SYNE1: variants seen among roughly 807,000 people sequenced by gnomAD.
SYNE1 encodes nesprin-1.
Under a neutral mutation model 1,111.0 loss-of-function variants are expected in SYNE1, and 616 were observed. That is an observed-to-expected ratio of 0.55 (90% CI 0.52 to 0.59). The LOEUF (loss-of-function observed/expected upper bound fraction) is 0.59. Ranked by LOEUF, SYNE1 falls within the 20% of genes least tolerant of loss-of-function variation. The pLI is 0.00. For missense variants in SYNE1, 10,006 were observed against 10,417.0 expected, an observed-to-expected ratio of 0.96 and a Z score of 1.72; for synonymous variants, 3,855 against 3,825.8, an observed-to-expected ratio of 1.01 and a Z score of -0.28.
intron 5 of SYNE1, among the ~76,000 whole-genome samples, chr6:152,523,715 T>C (rs1209081295): frequency 6.6e-6 from 1 of 152,206 alleles, no homozygotes; most frequent in Non-Finnish European, 1.5e-5. Context: ...GTTTGTGTCA[T>C]CTATTATTTC....
intron 3 of SYNE1, among the ~76,000 whole-genome samples, chr6:152,577,841 A>G (rs1036352200): frequency 6.6e-6 from 1 of 151,984 alleles, no homozygotes; most frequent in African/African-American, 2.4e-5. Context: ...CTTATTTACT[A>G]TACTATACCT....
At chr6:152,524,380 A>G (rs1188183720) in intron 5 of SYNE1, among the ~76,000 whole-genome samples, 1 of 152,146 alleles carries the variant, frequency 6.6e-6, no homozygotes, top group Non-Finnish European at 1.5e-5. Context: ...ATAAACACTT[A>G]GAATGACACA....
chr6:152,403,634 A>G (rs1050063557), intron 46 of SYNE1, among the ~76,000 whole-genome samples: 5 of 152,058 alleles, frequency 3.3e-5, no homozygotes, highest in African/African-American at 1.2e-4. Flanking sequence ...AGGTGGGAGA[A>G]TTGCTTGAGC....
In SYNE1 at chr6:152,413,453, C is replaced by A; in HGVS notation, c.6129G>T (p.Lys2043Asn). ...AAGCTACATCTTTCTGGGCAATTTG[C>A]TTGGCTTTGTCTTTCAACCAACATA... ...HELCWLKDKA[K>N]QIAQKDVAFA... Residue 2043 changes from lysine (K) to asparagine (N), a missense_variant, in exon 42 of 146, where the codon AAG becomes AAT. Physicochemically the swap from Lys to Asn is moderately conservative, Grantham distance 94 (BLOSUM62 0). This residue lies in a region of SYNE1 where 4,955 missense variants were observed against 5,017.2 expected (regional missense o/e 0.99). Transcript: ENST00000367255. 1 of 1,614,142 alleles carries A rather than the reference C, an allele frequency of 6.2e-7. No individual in the cohort carries two copies. The highest frequency in any genetic ancestry group is 8.5e-7 in the Non-Finnish European group (1 of 1,180,022).
intron 121 of SYNE1, among the ~76,000 whole-genome samples, chr6:152,217,546 G>A (rs2079045408): frequency 6.6e-6 from 1 of 151,986 alleles, no homozygotes; most frequent in Admixed American, 6.6e-5. Flanking sequence ...GAACAAAAAA[G>A]GTCATTCTGA....
chr6:152,601,599 G>A (rs1448783740), intron 3 of SYNE1, among the ~76,000 whole-genome samples: 1 of 152,162 alleles, frequency 6.6e-6, no homozygotes, highest in Non-Finnish European at 1.5e-5. Flanking sequence ...ACAGGTATGG[G>A]TAAAAATGAA....
chr6:152,141,364 A>G, intron 138 of SYNE1, 35 bp from the exon 139 acceptor site: 1 of 1,612,600 alleles, frequency 6.2e-7, no homozygotes, highest in Non-Finnish European at 8.5e-7. Flanking sequence ...CCTGTCACCC[A>G]AATCTTCATG....
At chr6:152,366,036 T>C (rs1174848850) in intron 62 of SYNE1, among the ~76,000 whole-genome samples, 1 of 152,196 alleles carries the variant, frequency 6.6e-6, no homozygotes, top group Non-Finnish European at 1.5e-5. Context: ...CCTATCATTC[T>C]TAAAAACTTG....
chr6:152,211,554 A>G lies in SYNE1; in HGVS notation c.22529T>C (p.Ile7510Thr). Residue 7510 changes from isoleucine (I) to threonine (T), a missense_variant, in exon 124 of 146, where the codon ATT becomes ACT. By Grantham distance (89) the Ile-to-Thr change is moderately conservative. This residue lies in a region of SYNE1 where 2,182 missense variants were observed against 2,287.8 expected (regional missense o/e 0.95). Coordinates refer to ENST00000367255, the MANE Select transcript of SYNE1 (RefSeq NM_182961.4). Reference sequence around the variant, plus strand: ...CCCATCAATAATGATTGAGTGCAAAATCTGCTGACGACTGAACATCTCGGC... The same window carrying G: ...CCCATCAATAATGATTGAGTGCAAAGTCTGCTGACGACTGAACATCTCGGC... ...FQAEMFSRQQILHSIIIDGQR... is the reference protein window; with the variant it reads ...FQAEMFSRQQTLHSIIIDGQR... 2.5e-6 allele frequency: 4 copies of G among 1,613,956 alleles called. No individual in the cohort carries two copies. The highest frequency in any genetic ancestry group is 3.4e-6 in the Non-Finnish European group (4 of 1,179,902).
At chr6:152,609,519 G>A (rs1358565609) in intron 3 of SYNE1, among the ~76,000 whole-genome samples, 1 of 152,178 alleles carries the variant, frequency 6.6e-6, no homozygotes, top group African/African-American at 2.4e-5. Flanking sequence ...TACTGCCTCT[G>A]TAGACTCCAC....
intron 78 of SYNE1, among the ~76,000 whole-genome samples, chr6:152,328,369 T>C (rs2153964042): frequency 7.2e-6 from 1 of 138,078 alleles, no homozygotes; most frequent in Admixed American, 7.3e-5. Context: ...TATTTTTCTC[T>C]TCTTATTTTA....
intron 107 of SYNE1, among the ~76,000 whole-genome samples, chr6:152,240,886 A>T (rs931007462): frequency 6.6e-6 from 1 of 152,192 alleles, no homozygotes; most frequent in Non-Finnish European, 1.5e-5. Context: ...CCCTCAGAAA[A>T]TGGGCTGGTG....
chr6:152,467,050 A>G (rs765975940), intron 16 of SYNE1, among the ~76,000 whole-genome samples: 11 of 152,120 alleles, frequency 7.2e-5, no homozygotes, highest in Non-Finnish European at 1.3e-4. Flanking sequence ...TTTCATAGAA[A>G]TCTCTGGATT....
chr6:152,443,544 G>A (rs1001914265), intron 30 of SYNE1, among the ~76,000 whole-genome samples: 1 of 152,190 alleles, frequency 6.6e-6, no homozygotes. Context: ...GATTACAGGC[G>A]TGAGCCACCG....
intron 3 of SYNE1, among the ~76,000 whole-genome samples, chr6:152,579,073 G>T (rs6928967): frequency 2.0e-5 from 3 of 152,200 alleles, no homozygotes; most frequent in South Asian, 2.1e-4. Flanking sequence ...GTAACTAAGA[G>T]TATTTCTTTT....
intron 3 of SYNE1, among the ~76,000 whole-genome samples, chr6:152,598,302 C>A (rs1387756019): frequency 6.6e-6 from 1 of 152,114 alleles, no homozygotes; most frequent in Admixed American, 6.5e-5. Context: ...TCTTATCTTG[C>A]CTGCTGCCAT....
intron 109 of SYNE1, among the ~76,000 whole-genome samples, chr6:152,236,522 G>C (rs1398923596): frequency 6.6e-6 from 1 of 151,206 alleles, no homozygotes; most frequent in Admixed American, 6.6e-5. Context: ...AATGACTTTA[G>C]GTGGATTTAA....
At chr6:152,185,052 T>G (rs2069418840) in intron 128 of SYNE1, among the ~76,000 whole-genome samples, 1 of 152,180 alleles carries the variant, frequency 6.6e-6, no homozygotes, top group Non-Finnish European at 1.5e-5. Context: ...CATCCTTTTC[T>G]GGTTGAAATA....
At chr6:152,477,804 G>A (rs1472726400) in intron 14 of SYNE1, among the ~76,000 whole-genome samples, 1 of 152,148 alleles carries the variant, frequency 6.6e-6, no homozygotes, top group Non-Finnish European at 1.5e-5. Flanking sequence ...AGGGGAGTAG[G>A]AAGGAAACTA....
Sources: gnomAD v4.1 joint callset for allele counts (sites outside exome capture counted in the v4.1 genomes callset) on GRCh38, gnomAD v4.1.1 for gene constraint, gnomAD v4.1.1 regional missense constraint, MANE v1.5 for transcripts, NCBI Gene and HGNC (gene_info 2026-07-23, HGNC 2026-07-21) for gene names.